The following ZDHHC20 variants were observed in gnomAD, a reference collection of about 807,000 sequenced individuals.
ZDHHC20 encodes the protein palmitoyltransferase ZDHHC20.
Under a neutral mutation model 57.8 loss-of-function variants are expected in ZDHHC20, and 43 were observed. That is an observed-to-expected ratio of 0.74 (90% CI 0.58 to 0.96). The LOEUF (loss-of-function observed/expected upper bound fraction) is 0.96. Ranked by LOEUF, ZDHHC20 falls within the 40% of genes least tolerant of loss-of-function variation. The probability of loss-of-function intolerance (pLI) is 0.00; values close to 1 mark genes in which losing one functional copy is unlikely to be tolerated. For synonymous variants in ZDHHC20, 157 were observed against 153.0 expected (o/e 1.03, Z -0.19); for missense variants, 391 against 441.1 (o/e 0.89, Z 1.02).
chr13:21,391,764 T>C lies in ZDHHC20; in HGVS notation c.685A>G (p.Ser229Gly), dbSNP rs2137727115. 2 of 1,612,510 alleles carry C rather than the reference T, an allele frequency of 1.2e-6. No individual in the cohort carries two copies. Among genetic ancestry groups the C allele is most frequent in the Non-Finnish European group, 1.7e-6 (2 of 1,179,714 alleles). The change falls in exon 8 of 13, where the codon AGC becomes GGC. Residue 229 changes from serine to glycine, a missense_variant. Ser to Gly is a moderately conservative substitution (Grantham distance 56). Coordinates refer to ENST00000400590, the MANE Select transcript of ZDHHC20 (RefSeq NM_001330059.2). ...MFFISVLSLF[S>G]YHCWLVGKNR... ...TTTCCAACTAGCCAGCAGTGGTAGC[T>C]GAAAAGTGAGAGGACGCTGATGAAG...
chr13:21,435,519 T>C (rs1260443220), intron 1 of ZDHHC20, among the ~76,000 whole-genome samples: 1 of 152,116 alleles, frequency 6.6e-6, no homozygotes, highest in African/African-American at 2.4e-5. Flanking sequence ...CTGGGACAAA[T>C]TGAACAATAA....
chr13:21,411,955 G>A (rs1643296188), intron 4 of ZDHHC20, among the ~76,000 whole-genome samples: 1 of 152,246 alleles, frequency 6.6e-6, no homozygotes, highest in South Asian at 2.1e-4. Context: ...GGCCATTCAA[G>A]TACAGCTATC....
At chr13:21,452,545 T>C (rs1884546414) in intron 1 of ZDHHC20, among the ~76,000 whole-genome samples, 2 of 152,274 alleles carry the variant, frequency 1.3e-5, no homozygotes, top group South Asian at 2.1e-4. Context: ...ATGGTAACTA[T>C]AGGAATAAAT....
Position 21,421,127 on chromosome 13 carries a change from G to T in ZDHHC20, c.183C>A (p.Phe61Leu). 6.2e-7 allele frequency: 1 copy of T among 1,613,234 alleles called. No homozygotes were observed. The highest frequency in any genetic ancestry group is 1.1e-5 in the South Asian group (1 of 91,026). ...TVVYLVAFHLFFVMFVWSYWM... is the reference protein window; with the variant it reads ...TVVYLVAFHLLFVMFVWSYWM... ...AATAGGACCATACAAACATAACAAA[G>T]AACAGATGGAAAGCCACAAGGTAAA... The change falls in exon 3 of 13, where the codon TTC becomes TTA. Residue 61 changes from phenylalanine to leucine, a missense_variant. Transcript: ENST00000400590.
intron 5 of ZDHHC20, 70 bp from the exon 6 acceptor site, chr13:21,401,755 CTTTTA>C: frequency 7.2e-7 from 1 of 1,382,200 alleles, no homozygotes; most frequent in South Asian, 1.5e-5. Context: ...TCATAATTTT[CTTTTA>C]TTTGACTTAA....
At chr13:21,433,525 G>A (rs1432024244) in intron 1 of ZDHHC20, among the ~76,000 whole-genome samples, 1 of 150,384 alleles carries the variant, frequency 6.6e-6, no homozygotes, top group Non-Finnish European at 1.5e-5. Context: ...GGTGAGGTAG[G>A]AGAATGGCGT....
At chr13:21,381,013 T>C (rs756518603) in intron 11 of ZDHHC20, among the ~76,000 whole-genome samples, 52 of 151,462 alleles carry the variant, frequency 3.4e-4, no homozygotes, top group Non-Finnish European at 5.7e-4. Flanking sequence ...TTTTTTATTA[T>C]TATTATTTTT....
Position 21,375,097 on chromosome 13 carries a change from G to A in ZDHHC20, c.*1599C>T, listed in dbSNP as rs1268856481. The A allele has an allele frequency of 4.4e-6, 2 of 455,584 alleles. No homozygotes were observed. The highest frequency in any genetic ancestry group is 3.1e-5 in the South Asian group (2 of 64,510). The allele number at this position is 455,584 out of a possible 1,614,324, so 28.2% of individuals were successfully genotyped here. On this transcript the variant is annotated 3_prime_UTR_variant, in exon 13 of 13. Coordinates refer to ENST00000400590, the MANE Select transcript of ZDHHC20 (RefSeq NM_001330059.2). The stretch of plus-strand genomic sequence containing the variant: ...TGCAGCGAGCCAAGATCCCGCCACT[G>A]CACTCCTGCCTGGGAGACAGAGCAA...
chr13:21,429,466 C>A (rs1277403735), intron 1 of ZDHHC20, among the ~76,000 whole-genome samples: 2 of 152,200 alleles, frequency 1.3e-5, no homozygotes, highest in Non-Finnish European at 2.9e-5. Context: ...TTTCTGATGA[C>A]AAATCTGCTG....
chr13:21,377,283 G>A (rs79770934), intron 12 of ZDHHC20: 1 of 65,400 alleles, frequency 1.5e-5, no homozygotes, highest in South Asian at 4.8e-4. Context: ...GACTCTGCCC[G>A]ACGTGACCTC....
chr13:21,424,334 C>A (rs1881006249), intron 2 of ZDHHC20, among the ~76,000 whole-genome samples: 1 of 151,990 alleles, frequency 6.6e-6, no homozygotes, highest in Non-Finnish European at 1.5e-5. Context: ...ACCTATATAC[C>A]AAACTCTGTG....
At chr13:21,381,689 T>C in intron 10 of ZDHHC20, 140 bp from the exon 11 acceptor site, 1 of 629,188 alleles carries the variant, frequency 1.6e-6, no homozygotes, top group African/African-American at 1.8e-5. Context: ...CTGAAAAAAC[T>C]ATCTTCAAAA....
intron 1 of ZDHHC20, among the ~76,000 whole-genome samples, chr13:21,448,948 T>C (rs1404240010): frequency 9.6e-6 from 1 of 103,854 alleles, no homozygotes; most frequent in East Asian, 2.1e-4. Context: ...AAACATGTGC[T>C]GTGTCCACTC....
chr13:21,423,330 A>G (rs890172648), intron 2 of ZDHHC20, among the ~76,000 whole-genome samples: 6 of 152,176 alleles, frequency 3.9e-5, no homozygotes, highest in African/African-American at 1.2e-4. Context: ...TGCTCTCTCT[A>G]TCCTGTCAGT....
Position 21,382,944 on chromosome 13 carries a change from G to GT in ZDHHC20, c.919dup (p.Thr307AsnfsTer5). 1 of 1,563,096 alleles carries GT rather than the reference G, an allele frequency of 6.4e-7. No homozygotes were observed. The highest frequency in any genetic ancestry group is 8.7e-7 in the Non-Finnish European group (1 of 1,152,692). Reference sequence around the variant, plus strand: ...CCTTCTGGCATACTCATTCTGGTTTGTAACAGAAGCTTGTTCTGGATCCAT... The same window carrying GT: ...CCTTCTGGCATACTCATTCTGGTTTGTTAACAGAAGCTTGTTCTGGATCCAT... On this transcript the variant is annotated frameshift_variant, in exon 10 of 13. Coordinates refer to ENST00000400590, the MANE Select transcript of ZDHHC20 (RefSeq NM_001330059.2). LOFTEE classifies it high-confidence loss of function.
At chr13:21,389,041 A>T (rs1382707915) in intron 8 of ZDHHC20, among the ~76,000 whole-genome samples, 1 of 152,240 alleles carries the variant, frequency 6.6e-6, no homozygotes, top group African/African-American at 2.4e-5. Context: ...AACATATTCA[A>T]GTTTAAAATT....
At chr13:21,387,213 A>G (rs1351394958) in intron 9 of ZDHHC20, among the ~76,000 whole-genome samples, 1 of 152,184 alleles carries the variant, frequency 6.6e-6, no homozygotes, top group Non-Finnish European at 1.5e-5. Context: ...ATAAATTTTT[A>G]TAATTCTTTA....
intron 1 of ZDHHC20, among the ~76,000 whole-genome samples, chr13:21,447,667 CAG>C (rs1883897732): frequency 7.6e-6 from 1 of 131,840 alleles, no homozygotes; most frequent in African/African-American, 2.7e-5. Flanking sequence ...CTTGGCCTCC[CAG>C]AGTGCCGAGA....
chr13:21,413,297 T>G (rs1879484159), intron 4 of ZDHHC20, among the ~76,000 whole-genome samples: 1 of 152,156 alleles, frequency 6.6e-6, no homozygotes, highest in Non-Finnish European at 1.5e-5. Context: ...TTTTGGATTT[T>G]TTTTTAATTA....
Sources: allele counts gnomAD v4.1 joint callset (sites outside exome capture counted in the v4.1 genomes callset), GRCh38; gene constraint gnomAD v4.1.1; transcripts MANE v1.5; gene names NCBI Gene and HGNC (gene_info 2026-07-23, HGNC 2026-07-21).